The following BLTP3B variants were observed in gnomAD, a reference collection of about 807,000 sequenced individuals.
BLTP3B encodes the protein bridge-like lipid transfer protein family member 3B.
chr12:100,067,296 C>CAAACCA, the BLTP3B span, among the ~76,000 whole-genome samples: 1 of 151,902 alleles, frequency 6.6e-6, no homozygotes, highest in African/African-American at 2.4e-5. Flanking sequence ...GAAACAAGAA[C>CAAACCA]AAACCAAACC....
the BLTP3B span, chr12:100,059,316 T>C: frequency 1.2e-6 from 2 of 1,614,090 alleles, no homozygotes; most frequent in Non-Finnish European, 8.5e-7. Context: ...GAAAATTGGA[T>C]GTAGAAGATT....
the BLTP3B span, among the ~76,000 whole-genome samples, chr12:100,072,056 T>C: frequency 1.3e-5 from 2 of 148,312 alleles, no homozygotes; most frequent in South Asian, 4.3e-4. Flanking sequence ...AGGTCAGGAG[T>C]TCAAGATCAG....
the BLTP3B span, among the ~76,000 whole-genome samples, chr12:100,100,691 AAC>A: frequency 6.6e-6 from 1 of 151,832 alleles, no homozygotes; most frequent in Admixed American, 6.6e-5. Flanking sequence ...CAGCCTGGGC[AAC>A]AGAGTGAGAC....
chr12:100,103,098 G>A, the BLTP3B span, among the ~76,000 whole-genome samples: 5 of 151,996 alleles, frequency 3.3e-5, no homozygotes, highest in African/African-American at 4.8e-5. Flanking sequence ...TACAGGTGTT[G>A]GGGGGTGGGG....
At chr12:100,054,494 T>G in the BLTP3B span, among the ~76,000 whole-genome samples, 1 of 152,198 alleles carries the variant, frequency 6.6e-6, no homozygotes, top group Non-Finnish European at 1.5e-5. Context: ...ACTGATGCTT[T>G]CAGATTAAGT....
At chr12:100,100,946 T>C in the BLTP3B span, among the ~76,000 whole-genome samples, 1 of 152,132 alleles carries the variant, frequency 6.6e-6, no homozygotes, top group African/African-American at 2.4e-5. Flanking sequence ...ATGATTTAAA[T>C]AGTTTAAATC....
the BLTP3B span, among the ~76,000 whole-genome samples, chr12:100,106,750 T>G: frequency 6.6e-6 from 1 of 152,260 alleles, no homozygotes; most frequent in Non-Finnish European, 1.5e-5. Flanking sequence ...CTAAAGCTAT[T>G]GAAATAAAAA....
the BLTP3B span, among the ~76,000 whole-genome samples, chr12:100,105,282 A>C: frequency 2.0e-5 from 3 of 152,206 alleles, no homozygotes; most frequent in Non-Finnish European, 4.4e-5. Context: ...AGGTGTAAAA[A>C]TAGGCACATG....
chr12:100,044,662 T>A, the BLTP3B span, among the ~76,000 whole-genome samples: 2 of 152,028 alleles, frequency 1.3e-5, no homozygotes, highest in African/African-American at 4.8e-5. Context: ...GTGGAAGAAC[T>A]CACATCAGAT....
the BLTP3B span, among the ~76,000 whole-genome samples, chr12:100,050,688 T>C: frequency 6.6e-6 from 1 of 152,102 alleles, no homozygotes; most frequent in South Asian, 2.1e-4. Context: ...GGTGTGCACC[T>C]ATAGTCCCAG....
chr12:100,131,156 CAAT>C, the BLTP3B span, among the ~76,000 whole-genome samples: 1 of 151,452 alleles, frequency 6.6e-6, no homozygotes, highest in Non-Finnish European at 1.5e-5. Flanking sequence ...ACCAAAAATA[CAAT>C]AATTCACCAG....
chr12:100,075,258 C>T, the BLTP3B span, among the ~76,000 whole-genome samples: 7 of 152,106 alleles, frequency 4.6e-5, no homozygotes, highest in Non-Finnish European at 1.0e-4. Flanking sequence ...GATCCGCCCA[C>T]CTCGGCCTCT....
At chr12:100,097,594 TC>T in the BLTP3B span, 1,974 of 1,370,558 alleles carry the variant, frequency 1.4e-3, 1 homozygote, top group Non-Finnish European at 1.9e-3. Flanking sequence ...AAATGTATAT[TC>T]TCAGTTAATT....
At chr12:100,121,083 C>A in the BLTP3B span, among the ~76,000 whole-genome samples, 2 of 152,098 alleles carry the variant, frequency 1.3e-5, no homozygotes, top group Non-Finnish European at 2.9e-5. Flanking sequence ...CACAGTGGCA[C>A]ACGCCTGTAA....
At chr12:100,062,648 T>C in the BLTP3B span, among the ~76,000 whole-genome samples, 2 of 152,194 alleles carry the variant, frequency 1.3e-5, no homozygotes, top group African/African-American at 4.8e-5. Context: ...CTTTGGTACA[T>C]GCTAACAAAG....
chr12:100,102,347 G>A, the BLTP3B span, among the ~76,000 whole-genome samples: 15 of 151,956 alleles, frequency 9.9e-5, no homozygotes, highest in Admixed American at 9.8e-4. Flanking sequence ...CCTGAGTCCA[G>A]GGAATCCACC....
the BLTP3B span, among the ~76,000 whole-genome samples, chr12:100,043,801 AG>A: frequency 6.6e-6 from 1 of 152,142 alleles, no homozygotes; most frequent in Admixed American, 6.6e-5. Context: ...GGCACAGGGG[AG>A]GATCCCAAAA....
chr12:100,045,769 A>G, the BLTP3B span, among the ~76,000 whole-genome samples: 1 of 152,224 alleles, frequency 6.6e-6, no homozygotes, highest in Non-Finnish European at 1.5e-5. Flanking sequence ...AGCAAAATAA[A>G]CTATCATCAG....
At chr12:100,088,521 T>A in the BLTP3B span, among the ~76,000 whole-genome samples, 13 of 152,208 alleles carry the variant, frequency 8.5e-5, no homozygotes, top group Non-Finnish European at 1.5e-4. Flanking sequence ...AAAACTGCAA[T>A]GCTGAAAACA....
Sources: gnomAD v4.1 joint callset for allele counts (sites outside exome capture counted in the v4.1 genomes callset) on GRCh38, gnomAD v4.1.1 for gene constraint, MANE v1.5 for transcripts, NCBI Gene and HGNC (gene_info 2026-07-23, HGNC 2026-07-21) for gene names.